SPATA25: variants seen among roughly 807,000 people sequenced by gnomAD.
The protein encoded by SPATA25 is spermatogenesis-associated protein 25.
In SPATA25, 16 loss-of-function variants were observed where a neutral mutation model predicts 16.0. The observed-to-expected ratio is 1.00, with a 90% CI of 0.68 to 1.52. The LOEUF is 1.52. Ranked by LOEUF, SPATA25 falls within the 40% of genes most tolerant of loss-of-function variation. The probability of loss-of-function intolerance (pLI) is 0.00; values close to 1 mark genes in which losing one functional copy is unlikely to be tolerated. For synonymous variants in SPATA25, 115 were observed against 118.5 expected, an observed-to-expected ratio of 0.97 and a Z score of 0.19; for missense variants, 285 against 289.2, an observed-to-expected ratio of 0.99 and a Z score of 0.11.
chr20:45,887,394 T>C, intron 1 of SPATA25, 142 bp downstream of exon 1: 1 of 860,394 alleles, frequency 1.2e-6, no homozygotes, highest in Non-Finnish European at 1.8e-6. Context: ...CAAGGATGTT[T>C]GGAATGGCTT....
rs1362153882 is a variant in SPATA25, at chr20:45,887,128, C to T, written c.73G>A (p.Gly25Ser). 6.3e-7 allele frequency: 1 copy of T among 1,587,008 alleles called. No homozygotes were observed. The highest frequency in any genetic ancestry group is 1.7e-5 in the Admixed American group (1 of 58,698). ...PSGQGGAASP[G>S]LSLGLCSPVE... ...GGACTACAGAGGCCAAGGGACAAGC[C>T]TGGAGAAGCAGCCCCACCTGCAGAG... The change falls in exon 2 of 2, where the codon GGC becomes AGC. Residue 25 changes from glycine (G) to serine (S), a missense_variant. Transcript: ENST00000372519.
At position 45,887,101 on chromosome 20, in the gene SPATA25, C is replaced by T. The variant is rs1180683943; in HGVS notation, c.100G>A (p.Val34Ile). 2 of 1,603,120 alleles carry T rather than the reference C, an allele frequency of 1.2e-6. No individual in the cohort carries two copies. The change falls in exon 2 of 2, where the codon GTA becomes ATA. Residue 34 changes from valine to isoleucine, a missense_variant. Transcript: ENST00000372519. The part of the protein sequence containing the change: ...PGLSLGLCSP[V>I]EPVVVASGGT... ...CCAGAGGCCACCACCACTGGCTCTA[C>T]AGGACTACAGAGGCCAAGGGACAAG... is the stretch of plus-strand genomic sequence containing the variant.
At chr20:45,888,426 A>G (rs1351921913), upstream of SPATA25, among the ~76,000 whole-genome samples, 1 of 152,240 alleles carries the variant, frequency 6.6e-6, no homozygotes, top group African/African-American at 2.4e-5. Flanking sequence ...TTTACAAAAC[A>G]CAATGTCTAG....
In SPATA25 at chr20:45,886,756, G is replaced by A. The variant is rs541634704; in HGVS notation, c.445C>T (p.Gln149Ter). 133 of 1,614,058 alleles carry A rather than the reference G, an allele frequency of 8.2e-5. No homozygotes were observed. In the South Asian group the frequency reaches 1.4e-3, roughly 17 times the overall value. Residue 149 changes from glutamine (Q) to a stop codon, truncating the protein, a stop_gained, in exon 2 of 2, where the codon CAG becomes TAG. Transcript: ENST00000372519. LOFTEE classifies it high-confidence loss of function. Reference protein sequence around the residue: ...SEAVGKEASSQPDICILTLAM... With the variant: ...SEAVGKEASS ...AGGGTGAGGATGCAGATATCAGGCTGGGAGCTGGCCTCCTTCCCCACTGCC... is the reference window on the plus strand; with the variant it reads ...AGGGTGAGGATGCAGATATCAGGCTAGGAGCTGGCCTCCTTCCCCACTGCC...
At chr20:45,887,988 G>T (rs749847022), upstream of SPATA25, among the ~76,000 whole-genome samples, 3 of 152,076 alleles carry the variant, frequency 2.0e-5, no homozygotes, top group African/African-American at 7.2e-5. Context: ...GTAAGACTTC[G>T]GGTCAGACCC....
At chr20:45,888,887 A>C (rs750391473), upstream of SPATA25, 9 of 1,613,976 alleles carry the variant, frequency 5.6e-6, no homozygotes, top group Non-Finnish European at 5.1e-6. Flanking sequence ...TGGGAAGAAG[A>C]CTGTGAAAGG....
upstream of SPATA25, chr20:45,890,094 G>T: frequency 1.3e-6 from 1 of 768,076 alleles, no homozygotes; most frequent in Non-Finnish European, 2.1e-6. Context: ...GTAGAGGCTT[G>T]TGCAAGATCA....
chr20:45,888,819 C>T (rs772315925), upstream of SPATA25: 15 of 1,614,106 alleles, frequency 9.3e-6, no homozygotes, highest in Middle Eastern at 1.7e-4. Flanking sequence ...AATGGCCAGC[C>T]GGTGCACCAT....
Position 45,887,523 on chromosome 20 carries a change from G to C in SPATA25, c.55+13C>G, listed in dbSNP as rs537854064. 1 of 1,612,112 alleles carries C rather than the reference G, an allele frequency of 6.2e-7. No individual in the cohort carries two copies. Among genetic ancestry groups the C allele is most frequent in the South Asian group, 1.1e-5 (1 of 90,708 alleles). ...TGCCGCACTCCCTCCAATTGCAGGTGCCCCCCGCTCACCTTGGCCGGAAGG... is the reference window on the plus strand; with the variant it reads ...TGCCGCACTCCCTCCAATTGCAGGTCCCCCCCGCTCACCTTGGCCGGAAGG... On this transcript the variant is annotated intron_variant, in intron 1 of 1. Transcript: ENST00000372519.
At position 45,887,567 on chromosome 20, in the gene SPATA25, T is replaced by C; in HGVS notation, c.24A>G (p.Gln8=). ...CGGAAGGCAGAGGACCTGGATGAGT[T>C]TGTGGAGTCCTGAAGTAGGACATGG... MSYFRTP[Q]THPGPLPSGQ... Residue 8 remains glutamine, a synonymous_variant, in exon 1 of 2, where the codon CAA becomes CAG. Transcript: ENST00000372519. 1 of 1,613,784 alleles carries C rather than the reference T, an allele frequency of 6.2e-7. No individual in the cohort carries two copies. Among genetic ancestry groups the C allele is most frequent in the South Asian group, 1.1e-5 (1 of 90,994 alleles).
At chr20:45,888,610 A>C (rs976650932), upstream of SPATA25, 2 of 716,788 alleles carry the variant, frequency 2.8e-6, no homozygotes, top group Non-Finnish European at 4.6e-6. Flanking sequence ...CATAGGCTGT[A>C]GGGGCAAGGA....
Position 45,886,731 on chromosome 20 carries a change from A to T in SPATA25, c.470T>A (p.Leu157His), listed in dbSNP as rs1174440724. Reference sequence around the variant, plus strand: ...GGGGATGCCAGCGATCATCATGGCGAGGGTGAGGATGCAGATATCAGGCTG... The same window carrying T: ...GGGGATGCCAGCGATCATCATGGCGTGGGTGAGGATGCAGATATCAGGCTG... ...SSQPDICILT[L>H]AMMIAGIPTV... Residue 157 changes from leucine to histidine, a missense_variant, in exon 2 of 2, where the codon CTC becomes CAC. By Grantham distance (99) the Leu-to-His change is moderately conservative (BLOSUM62 -3). Transcript: ENST00000372519. The T allele has an allele frequency of 2.5e-5, 40 of 1,613,962 alleles. No homozygotes were observed. The highest frequency in any genetic ancestry group is 3.4e-5 in the Non-Finnish European group (40 of 1,180,024).
In SPATA25 at chr20:45,887,153, G is replaced by C. The variant is rs751711895; in HGVS notation, c.56-8C>G. On this transcript the variant is annotated splice_region_variant and splice_polypyrimidine_tract_variant and intron_variant, in intron 1 of 1. Transcript: ENST00000372519. ...CTGGAGAAGCAGCCCCACCTGCAGA[G>C]ACAGGAATGAAATGGAACGTTATTC... The C allele has an allele frequency of 6.4e-7, 1 of 1,574,354 alleles. No homozygotes were observed. The highest frequency in any genetic ancestry group is 1.1e-5 in the South Asian group (1 of 89,786).
rs770759596 is a variant in SPATA25 at position 45,886,980 on chromosome 20, G to T, written c.221C>A (p.Pro74His). 6 of 1,613,894 alleles carry T rather than the reference G, an allele frequency of 3.7e-6. No homozygotes were observed. The highest frequency in any genetic ancestry group is 3.4e-6 in the Non-Finnish European group (4 of 1,180,022). The part of the protein sequence containing the change: ...ALAMPQARGC[P>H]GGTSWETLRK... ...TAGTGTCTCCCAGCTAGTCCCCCCA[G>T]GGCAGCCCCTGGCTTGTGGCATTGC... Residue 74 changes from proline (P) to histidine (H), a missense_variant, in exon 2 of 2, where the codon CCT (proline) becomes CAT (histidine). By Grantham distance (77) the Pro-to-His change is moderately conservative. Transcript: ENST00000372519.
upstream of SPATA25, chr20:45,887,708 C>T (rs1183091404): frequency 2.4e-6 from 2 of 834,522 alleles, no homozygotes; most frequent in African/African-American, 1.7e-5. Flanking sequence ...ATCCACTTTA[C>T]AGCGTTGACC....
chr20:45,889,527 A>AT (rs1986640251), upstream of SPATA25, among the ~76,000 whole-genome samples: 1 of 151,686 alleles, frequency 6.6e-6, no homozygotes, highest in African/African-American at 2.4e-5. Context: ...TAATTATTTA[A>AT]TTTTTTGTAC....
chr20:45,888,978 C>G, upstream of SPATA25: 1 of 1,306,262 alleles, frequency 7.7e-7, no homozygotes, highest in East Asian at 2.5e-5. Flanking sequence ...TAAATGTGGG[C>G]AAGTCCTTAC....
At position 45,887,586 on chromosome 20, in the gene SPATA25, G is replaced by A. The variant is rs1437097668; in HGVS notation, c.5C>T (p.Ser2Phe). The change falls in exon 1 of 2, where the codon TCC (serine) becomes TTC (phenylalanine). Residue 2 changes from serine to phenylalanine, a missense_variant. Ser to Phe is a radical substitution (Grantham distance 155). Coordinates refer to ENST00000372519, the MANE Select transcript of SPATA25 (RefSeq NM_080608.4). M[S>F]YFRTPQTHPG... ...ATGAGTTTGTGGAGTCCTGAAGTAG[G>A]ACATGGCTTCCCCAAAGCCCCGGTT... is the stretch of plus-strand genomic sequence containing the variant. 6.2e-7 allele frequency: 1 copy of A among 1,613,394 alleles called. No individual in the cohort carries two copies. Among genetic ancestry groups the A allele is most frequent in the Non-Finnish European group, 8.5e-7 (1 of 1,179,676 alleles).
upstream of SPATA25, among the ~76,000 whole-genome samples, chr20:45,889,230 T>C (rs112007559): frequency 6.6e-5 from 10 of 152,302 alleles, 1 homozygote; most frequent in African/African-American, 2.2e-4. Context: ...GAGGTATAAC[T>C]GCAATGCTTA....
Sources: allele counts gnomAD v4.1 joint callset (sites outside exome capture counted in the v4.1 genomes callset), GRCh38; gene constraint gnomAD v4.1.1; transcripts MANE v1.5; gene names NCBI Gene and HGNC (gene_info 2026-07-23, HGNC 2026-07-21).